IRAK1BP1: variants seen among roughly 807,000 people sequenced by gnomAD.
IRAK1BP1 encodes the protein interleukin 1 receptor associated kinase 1 binding protein 1, also known as interleukin-1 receptor-associated kinase 1-binding protein 1.
Under a neutral mutation model 28.0 loss-of-function variants are expected in IRAK1BP1, and 24 were observed. The observed-to-expected ratio is 0.86, with a 90% CI of 0.62 to 1.20. The LOEUF is 1.20. Among genes scored for constraint, IRAK1BP1 ranks in the 50% most tolerant of loss-of-function variants. The pLI is 0.00. For missense variants in IRAK1BP1, 336 were observed against 316.7 expected (o/e 1.06, Z -0.46); for synonymous variants, 131 against 116.3 (o/e 1.13, Z -0.81).
the IRAK1BP1 span, among the ~76,000 whole-genome samples, chr6:78,967,533 C>T: frequency 0.027 from 4,160 of 152,150 alleles, 84 homozygotes; most frequent in Middle Eastern, 0.061. Flanking sequence ...AATACATTTC[C>T]GAGGAGGGGC....
At chr6:78,953,602 C>T in the IRAK1BP1 span, among the ~76,000 whole-genome samples, 15 of 152,200 alleles carry the variant, frequency 9.9e-5, no homozygotes, top group East Asian at 1.4e-3. Context: ...TTTATCACGC[C>T]GCTGGAATTA....
In IRAK1BP1 at chr6:78,867,764, C is replaced by A; in HGVS notation, c.188C>A (p.Ala63Glu). ...GTAAGCGGCACCTCAGAAGTGTCTG[C>A]GGGCCCTGACCGGGCGCAGGTGGTG... is the stretch of plus-strand genomic sequence containing the variant. ...VQVSGTSEVSAGPDRAQVVVR... is the reference protein window; with the variant it reads ...VQVSGTSEVSEGPDRAQVVVR... Residue 63 changes from alanine (A) to glutamate (E), a missense_variant, in exon 1 of 4, where the codon GCG (alanine) becomes GAG (glutamate). Coordinates refer to ENST00000369940, the MANE Select transcript of IRAK1BP1 (RefSeq NM_001010844.4). The A allele has an allele frequency of 6.2e-7, 1 of 1,614,132 alleles. No homozygotes were observed. The highest frequency in any genetic ancestry group is 8.5e-7 in the Non-Finnish European group (1 of 1,180,012).
chr6:78,978,862 G>T, the IRAK1BP1 span: 1 of 526,206 alleles, frequency 1.9e-6, no homozygotes, highest in Non-Finnish European at 3.0e-6. Flanking sequence ...TGTATCCATG[G>T]GTTCCACATC....
Position 78,940,910 on chromosome 6 carries a change from A to G in IRAK1BP1, c.*68-4498A>G, listed in dbSNP as rs1368232051. The G allele has an allele frequency of 4.3e-6, 7 of 1,613,690 alleles. No individual in the cohort carries two copies. In the South Asian group the frequency reaches 7.7e-5, roughly 18 times the overall value. Reference sequence around the variant, plus strand: ...TTCTTCAAACTCTTCTTCCTCATCTATAGGATCATCTATCTTTTTTCGGTT... The same window carrying G: ...TTCTTCAAACTCTTCTTCCTCATCTGTAGGATCATCTATCTTTTTTCGGTT... On this transcript the variant is annotated intron_variant and NMD_transcript_variant, in intron 4 of 4. Coordinates refer to the IRAK1BP1 transcript ENST00000606868.
rs1171240857 is a variant in IRAK1BP1 at position 78,900,383 on chromosome 6, A to G, written c.*2049A>G. The G allele has an allele frequency of 6.6e-6, 1 of 152,214 alleles. No homozygotes were observed. Among genetic ancestry groups the G allele is most frequent in the Admixed American group, 6.5e-5 (1 of 15,276 alleles). 9.4% of individuals were successfully genotyped at this position (152,214 alleles called of 1,614,324 possible). A position where few individuals can be genotyped will look rare whatever the true frequency, so the allele number is the denominator to read the frequency against. The stretch of plus-strand genomic sequence containing the variant: ...TAAATCTGGATGTTTATATACCAAC[A>G]GTACTTTCTTACAACATATTCCAGT... On this transcript the variant is annotated 3_prime_UTR_variant, in exon 4 of 4. Coordinates refer to ENST00000369940, the MANE Select transcript of IRAK1BP1 (RefSeq NM_001010844.4).
chr6:78,917,681 G>T (rs1282802016), intron 4 of IRAK1BP1, among the ~76,000 whole-genome samples: 2 of 147,982 alleles, frequency 1.4e-5, no homozygotes, highest in Non-Finnish European at 3.0e-5. Context: ...ACTGAAAAAG[G>T]TCAGATACAT....
chr6:78,902,337 T>C lies in IRAK1BP1; in HGVS notation c.*4003T>C, dbSNP rs1245949684. 6.5e-6 allele frequency: 1 copy of C among 152,974 alleles called. No individual in the cohort carries two copies. The highest frequency in any genetic ancestry group is 1.9e-4 in the East Asian group (1 of 5,200). The allele number at this position is 152,974 out of a possible 1,614,324, so 9.5% of individuals were successfully genotyped here. On this transcript the variant is annotated 3_prime_UTR_variant, in exon 4 of 4. Transcript: ENST00000369940. ...TTTTATTAGTGATAAGGTCTTGCTA[T>C]GTTGCCCAGGCTGGTCTCAAACTCC... is the stretch of plus-strand genomic sequence containing the variant.
At chr6:78,928,035 A>C (rs1283591008) in intron 4 of IRAK1BP1, among the ~76,000 whole-genome samples, 1 of 152,098 alleles carries the variant, frequency 6.6e-6, no homozygotes, top group African/African-American at 2.4e-5. Context: ...TTCTGATGTT[A>C]TATAAATGTT....
At chr6:78,877,343 A>G (rs1342960960) in intron 1 of IRAK1BP1, among the ~76,000 whole-genome samples, 1 of 152,202 alleles carries the variant, frequency 6.6e-6, no homozygotes, top group African/African-American at 2.4e-5. Flanking sequence ...GACCTTCTCC[A>G]TCTGATTGTC....
chr6:78,927,414 G>T (rs750522886), intron 4 of IRAK1BP1, among the ~76,000 whole-genome samples: 69 of 151,800 alleles, frequency 4.5e-4, no homozygotes, highest in Non-Finnish European at 8.0e-4. Context: ...TCCTATAAAG[G>T]TGTTTGAGCT....
Position 78,941,281 on chromosome 6 carries a change from G to A in IRAK1BP1, c.*68-4127G>A, listed in dbSNP as rs376778189. On this transcript the variant is annotated intron_variant and NMD_transcript_variant, in intron 4 of 4. Coordinates refer to the IRAK1BP1 transcript ENST00000606868. ...CAAGTTTTGATGGCTGTCCTCCATG[G>A]CCATTTACTTGAATGGTTCCTGGTA... The A allele has an allele frequency of 4.5e-5, 73 of 1,612,916 alleles. No individual in the cohort carries two copies. Among genetic ancestry groups the A allele is most frequent in the Non-Finnish European group, 5.9e-5 (70 of 1,179,078 alleles).
intron 1 of IRAK1BP1, among the ~76,000 whole-genome samples, chr6:78,869,779 A>C (rs1770725150): frequency 6.6e-6 from 1 of 152,154 alleles, no homozygotes; most frequent in African/African-American, 2.4e-5. Flanking sequence ...TTCCCTGCTT[A>C]AAGGGCTCCT....
chr6:78,950,306 T>C (rs1045356001), downstream of IRAK1BP1, among the ~76,000 whole-genome samples: 7 of 152,210 alleles, frequency 4.6e-5, no homozygotes, highest in African/African-American at 9.7e-5. Flanking sequence ...GTTAAAGGTT[T>C]TTCTTCTTTT....
chr6:78,970,164 G>A, the IRAK1BP1 span: 1 of 1,611,288 alleles, frequency 6.2e-7, no homozygotes. Context: ...ATTTTCATAA[G>A]TTCTTGTTCC....
chr6:78,960,770 G>A, the IRAK1BP1 span, among the ~76,000 whole-genome samples: 3 of 152,064 alleles, frequency 2.0e-5, no homozygotes, highest in African/African-American at 7.2e-5. Flanking sequence ...CTGGCATCTA[G>A]TGGGTACAGG....
intron 2 of IRAK1BP1, among the ~76,000 whole-genome samples, chr6:78,894,745 A>G (rs1771817614): frequency 6.6e-6 from 1 of 152,132 alleles, no homozygotes; most frequent in Non-Finnish European, 1.5e-5. Context: ...ACACTCCAAA[A>G]ACAGCAGCCT....
the IRAK1BP1 span, among the ~76,000 whole-genome samples, chr6:78,967,255 G>A: frequency 6.6e-6 from 1 of 152,178 alleles, no homozygotes; most frequent in African/African-American, 2.4e-5. Context: ...GCTGTTGACA[G>A]TTGTTCCTCA....
intron 4 of IRAK1BP1, among the ~76,000 whole-genome samples, chr6:78,932,417 T>TTTTCTTTC (rs983305697): frequency 2.7e-4 from 33 of 124,230 alleles, no homozygotes; most frequent in Admixed American, 2.2e-3. Flanking sequence ...TTTTCTTTCT[T>TTTTCTTTC]TTTCTTTTTT....
At chr6:78,875,513 A>C (rs1770966580) in intron 1 of IRAK1BP1, among the ~76,000 whole-genome samples, 1 of 149,592 alleles carries the variant, frequency 6.7e-6, no homozygotes, top group Non-Finnish European at 1.5e-5. Context: ...AGATAAAGAA[A>C]ATGTGATGCT....
Sources: gnomAD v4.1 joint callset for allele counts (sites outside exome capture counted in the v4.1 genomes callset) on GRCh38, gnomAD v4.1.1 for gene constraint, MANE v1.5 for transcripts, NCBI Gene and HGNC (gene_info 2026-07-23, HGNC 2026-07-21) for gene names.